The following TMC5 variants were observed in gnomAD, a reference collection of about 807,000 sequenced individuals.
The protein encoded by TMC5 is transmembrane channel-like protein 5.
TMC5 carries 86 observed loss-of-function variants against 110.5 expected under a neutral mutation model. That is an observed-to-expected ratio of 0.78 (90% CI 0.65 to 0.93). The LOEUF (loss-of-function observed/expected upper bound fraction) is 0.93. TMC5 is among the 40% of genes least tolerant of loss of function. The pLI is 0.00. For synonymous variants in TMC5, 455 were observed against 439.5 expected (o/e 1.04, Z -0.44); for missense variants, 1,144 against 1,222.8 (o/e 0.94, Z 0.96).
At chr16:19,439,704 T>C (rs891471491) in intron 2 of TMC5, among the ~76,000 whole-genome samples, 2 of 152,076 alleles carry the variant, frequency 1.3e-5, no homozygotes, top group African/African-American at 2.4e-5. Context: ...GGAAGCAAGA[T>C]GGAGAAAGGG....
In TMC5 at chr16:19,444,083, T is replaced by C; in HGVS notation, c.791T>C (p.Val264Ala). The change falls in exon 4 of 22, where the codon GTG becomes GCG. Residue 264 changes from valine (V) to alanine (A), a missense_variant and splice_region_variant. Coordinates refer to ENST00000542583, the MANE Select transcript of TMC5 (RefSeq NM_001261841.2). ...TGATCCATCATTTTGGATTTTAGGGTGCTCAGCAGAACATCTTCAATCCAG... is the reference window on the plus strand; with the variant it reads ...TGATCCATCATTTTGGATTTTAGGGCGCTCAGCAGAACATCTTCAATCCAG... ...SSETPKMTRGVLSRTSSIQPS... is the reference protein window; with the variant it reads ...SSETPKMTRGALSRTSSIQPS... 6.2e-7 allele frequency: 1 copy of C among 1,613,500 alleles called. No individual in the cohort carries two copies. Among genetic ancestry groups the C allele is most frequent in the South Asian group, 1.1e-5 (1 of 91,010 alleles).
chr16:19,463,499 AG>A, intron 7 of TMC5, 132 bp downstream of exon 7: 1 of 883,820 alleles, frequency 1.1e-6, no homozygotes, highest in Non-Finnish European at 1.8e-6. Context: ...CGGTTAGTAC[AG>A]GTGTGGAAAA....
At chr16:19,486,158 A>G (rs548206020) in intron 15 of TMC5, among the ~76,000 whole-genome samples, 1 of 152,258 alleles carries the variant, frequency 6.6e-6, no homozygotes, top group Non-Finnish European at 1.5e-5. Flanking sequence ...GGGCTGCCAT[A>G]ACAAAGTCTC....
upstream of TMC5, among the ~76,000 whole-genome samples, chr16:19,414,610 C>T (rs555753900): frequency 2.6e-5 from 4 of 152,288 alleles, no homozygotes; most frequent in South Asian, 2.1e-4. Context: ...TACACTGCCA[C>T]GTGGTATAAA....
intron 2 of TMC5, among the ~76,000 whole-genome samples, chr16:19,438,485 G>A (rs1252711112): frequency 1.5e-5 from 2 of 137,354 alleles, no homozygotes; most frequent in Non-Finnish European, 3.3e-5. Flanking sequence ...GGTGACTCAT[G>A]CCTATAATCC....
rs35775078 is a variant in TMC5 at position 19,492,932 on chromosome 16, ATC to A, written c.2826+710_2826+711del. Among the ~76,000 whole-genome samples, 146 of 99,896 alleles carry A rather than the reference ATC, an allele frequency of 1.5e-3. 24 individuals are homozygous for A. The South Asian group carries it at 0.015, about 10-fold the overall frequency. 65.5% of individuals were successfully genotyped at this position (99,896 alleles called of 152,430 possible). ...AAAACTTAGATATATATATATATAT[ATC>A]TCTCTATAAGATAAATACTTTTATT... On this transcript the variant is annotated intron_variant, in intron 19 of 21. Coordinates refer to ENST00000542583, the MANE Select transcript of TMC5 (RefSeq NM_001261841.2).
chr16:19,422,640 TG>T (rs1298183003), intron 1 of TMC5, among the ~76,000 whole-genome samples: 1 of 152,100 alleles, frequency 6.6e-6, no homozygotes, highest in Non-Finnish European at 1.5e-5. Context: ...GAAATCAGCC[TG>T]GGTGCAACAA....
chr16:19,433,158 C>G (rs1159306522), intron 2 of TMC5, among the ~76,000 whole-genome samples: 1 of 152,172 alleles, frequency 6.6e-6, no homozygotes, highest in Non-Finnish European at 1.5e-5. Flanking sequence ...AACACTATCT[C>G]AAAATCTAAA....
chr16:19,471,489 G>A (rs191915153), intron 10 of TMC5, among the ~76,000 whole-genome samples: 1 of 152,296 alleles, frequency 6.6e-6, no homozygotes, highest in African/African-American at 2.4e-5. Context: ...TGACCTCAGT[G>A]TGCTTTTCTT....
At chr16:19,481,057 A>C (rs1968606924) in intron 14 of TMC5, among the ~76,000 whole-genome samples, 1 of 152,120 alleles carries the variant, frequency 6.6e-6, no homozygotes, top group African/African-American at 2.4e-5. Flanking sequence ...AGGTTTAATT[A>C]GCAAAGAGGG....
In TMC5 at chr16:19,492,915, G is replaced by GAGATATATATAT. The variant is rs1555486833; in HGVS notation, c.2826+688_2826+689insGATATATATATA. 1.2e-4 allele frequency among the ~76,000 whole-genome samples: 5 copies of GAGATATATATAT among 42,784 alleles called. 1 individual carries two copies. In the East Asian group the frequency reaches 1.4e-3, roughly 12 times the overall value. 28.1% of individuals were successfully genotyped at this position (42,784 alleles called of 152,430 possible). On this transcript the variant is annotated intron_variant, in intron 19 of 21. Coordinates refer to ENST00000542583, the MANE Select transcript of TMC5 (RefSeq NM_001261841.2). ...ATTATTTTTTATTTATTAAAACTTAGATATATATATATATATATCTCTCTA... is the reference window on the plus strand; with the variant it reads ...ATTATTTTTTATTTATTAAAACTTAGAGATATATATATATATATATATATATATATCTCTCTA...
chr16:19,425,967 G>A (rs780245244), intron 1 of TMC5, among the ~76,000 whole-genome samples: 6 of 152,184 alleles, frequency 3.9e-5, no homozygotes, highest in East Asian at 3.9e-4. Context: ...GATTACAGGC[G>A]TGAGCCACCG....
chr16:19,497,294 A>C, intron 21 of TMC5, 131 bp downstream of exon 21: 3 of 911,288 alleles, frequency 3.3e-6, no homozygotes. Flanking sequence ...GGCTTAAACA[A>C]AATTCCAAGA....
intron 1 of TMC5, chr16:19,411,281 G>T (rs140502730): frequency 6.6e-6 from 1 of 152,084 alleles, no homozygotes; most frequent in African/African-American, 2.4e-5. Flanking sequence ...TATGCTCTCT[G>T]GGCTCCAGTT....
intron 6 of TMC5, chr16:19,462,474 A>T: frequency 2.9e-6 from 2 of 699,778 alleles, no homozygotes; most frequent in Non-Finnish European, 5.2e-6. Flanking sequence ...TAAAGGAAAG[A>T]GGTTTAATGG....
intron 1 of TMC5, among the ~76,000 whole-genome samples, chr16:19,419,036 ATGT>A (rs1305051367): frequency 1.3e-5 from 2 of 152,052 alleles, no homozygotes; most frequent in African/African-American, 2.4e-5. Flanking sequence ...GCCAACAATG[ATGT>A]TGTTGATGAT....
chr16:19,424,422 G>C (rs974329414), intron 1 of TMC5, among the ~76,000 whole-genome samples: 1 of 152,166 alleles, frequency 6.6e-6, no homozygotes, highest in Non-Finnish European at 1.5e-5. Flanking sequence ...AGGCCAAGGC[G>C]GGTGGATCAC....
intron 13 of TMC5, among the ~76,000 whole-genome samples, chr16:19,478,402 A>G (rs187791297): frequency 2.2e-3 from 336 of 152,340 alleles, no homozygotes; most frequent in African/African-American, 7.7e-3. Context: ...AGAGATTCAA[A>G]ATCAGCCCTC....
In TMC5 at chr16:19,460,325, G is replaced by A. The variant is rs142366138; in HGVS notation, c.1139G>A (p.Arg380Lys). 3.7e-3 allele frequency: 5,922 copies of A among 1,612,256 alleles called. 15 individuals carry two copies. Among genetic ancestry groups the A allele is most frequent in the Non-Finnish European group, 4.6e-3 (5,422 of 1,178,630 alleles). ...RNQPRTMEEK[R>K]NLRKIVDKEK... Reference sequence around the variant, plus strand: ...CAGCCAAGGACCATGGAAGAGAAAAGGAACCTTAGGTATGGACTAAAGGCT... The same window carrying A: ...CAGCCAAGGACCATGGAAGAGAAAAAGAACCTTAGGTATGGACTAAAGGCT... The change falls in exon 6 of 22, where the codon AGG (arginine) becomes AAG (lysine). Residue 380 changes from arginine (R) to lysine (K), a missense_variant. Transcript: ENST00000542583.
Sources: allele counts gnomAD v4.1 joint callset (sites outside exome capture counted in the v4.1 genomes callset), GRCh38; gene constraint gnomAD v4.1.1; transcripts MANE v1.5; gene names NCBI Gene and HGNC (gene_info 2026-07-23, HGNC 2026-07-21).